DMD: variants seen among roughly 807,000 people sequenced by gnomAD.
DMD encodes dystrophin.
A neutral mutation model predicts 330.1 loss-of-function variants in DMD; 63 were observed. The observed-to-expected ratio is 0.19, with a 90% CI of 0.16 to 0.24. The LOEUF is 0.24. Among genes scored for constraint, DMD ranks in the 10% least tolerant of loss-of-function variants. The probability of loss-of-function intolerance (pLI) is 1.00; values close to 1 mark genes in which losing one functional copy is unlikely to be tolerated. For synonymous variants in DMD, 1,223 were observed against 959.8 expected (o/e 1.27, Z -5.07); for missense variants, 3,344 against 2,684.1 (o/e 1.25, Z -5.43).
intron 48 of DMD, among the ~76,000 whole-genome samples, chrX:31,844,272 G>A (rs753507936): frequency 9.8e-4 from 102 of 103,864 alleles, no homozygotes; most frequent in Non-Finnish European, 1.8e-3. Context: ...TCCCAGCACC[G>A]TTTATTGAGT....
chrX:31,508,880 G>A (rs961229579), intron 55 of DMD, among the ~76,000 whole-genome samples: 7 of 111,361 alleles, frequency 6.3e-5, no homozygotes, highest in African/African-American at 2.3e-4. Context: ...TGAAGAACTG[G>A]CTCAAGTTTT....
At chrX:32,987,049 T>C (rs1365726525) in intron 2 of DMD, among the ~76,000 whole-genome samples, 2 of 112,576 alleles carry the variant, frequency 1.8e-5, no homozygotes, top group African/African-American at 6.4e-5. Context: ...TTCTGTCTAC[T>C]AGTCAGGAAT....
chrX:31,283,669 T>C (rs1323535312), intron 62 of DMD, among the ~76,000 whole-genome samples: 1 of 111,606 alleles, frequency 9.0e-6, no homozygotes, highest in Non-Finnish European at 1.9e-5. Flanking sequence ...GTGTGCTAAA[T>C]TTTGGGAACA....
At chrX:32,459,836 G>A (rs181055901) in intron 25 of DMD, among the ~76,000 whole-genome samples, 1 of 111,140 alleles carries the variant, frequency 9.0e-6, no homozygotes, top group Non-Finnish European at 1.9e-5. Context: ...CTGGGTAGAT[G>A]TAAGTGTGAA....
intron 62 of DMD, among the ~76,000 whole-genome samples, chrX:31,314,742 C>CAGAGACAGAGAGAGAGAGAGAG (rs769013334): frequency 7.2e-5 from 4 of 55,283 alleles, no homozygotes; most frequent in African/African-American, 3.4e-4. Context: ...AATACATACA[C>CAGAGACAGAGAGAGAGAGAGAG]AGAGAGAGAG....
chrX:32,500,334 T>G (rs2043927227), intron 19 of DMD, among the ~76,000 whole-genome samples: 1 of 111,820 alleles, frequency 8.9e-6, no homozygotes, highest in Admixed American at 9.5e-5. Context: ...AAATTAGAAC[T>G]ATGAGGGAAA....
rs949904728 is a variant in DMD, at chrX:32,530,912, A to T, written c.2169-12781T>A. Among the ~76,000 whole-genome samples, 10 of 112,065 alleles carry T rather than the reference A, an allele frequency of 8.9e-5. No individual in the cohort carries two copies. The Admixed American group carries it at 9.5e-4, about 11-fold the overall frequency. The stretch of plus-strand genomic sequence containing the variant: ...ATACTCAAGTTGAAAATCCTGAGTC[A>T]TATATTTTAAAATCAAATGTAAAGT... On this transcript the variant is annotated intron_variant, in intron 17 of 78. Coordinates refer to ENST00000357033, the MANE Select transcript of DMD (RefSeq NM_004006.3).
chrX:32,802,106 G>A (rs2076615040), intron 7 of DMD, among the ~76,000 whole-genome samples: 1 of 111,686 alleles, frequency 9.0e-6, no homozygotes, highest in Non-Finnish European at 1.9e-5. Flanking sequence ...GGGCAGTATG[G>A]CCATTTTCAT....
chrX:31,590,740 C>T (rs910106663), intron 55 of DMD, among the ~76,000 whole-genome samples: 11 of 111,512 alleles, frequency 9.9e-5, no homozygotes, highest in African/African-American at 3.6e-4. Flanking sequence ...TTTTGCATTA[C>T]GTGCATCATA....
chrX:31,223,053 G>C lies in DMD; in HGVS notation c.9355C>G (p.Leu3119Val). ...AATACTGGCCAATACTTACAGCAAA[G>C]GGCCTTCTGCAGTCTTCGGAGTTTC... ...AMKLRRLQKA[L>V]CLDLLSLSAA... Residue 3119 changes from leucine to valine, a missense_variant, in exon 64 of 79, where the codon CTT becomes GTT. Coordinates refer to ENST00000357033, the MANE Select transcript of DMD (RefSeq NM_004006.3). 1 of 1,207,651 alleles carries C rather than the reference G, an allele frequency of 8.3e-7. No homozygotes were observed. The highest frequency in any genetic ancestry group is 1.1e-6 in the Non-Finnish European group (1 of 891,732).
chrX:32,609,165 C>T (rs2056966918), intron 12 of DMD, among the ~76,000 whole-genome samples: 1 of 110,606 alleles, frequency 9.0e-6, no homozygotes, highest in African/African-American at 3.3e-5. Context: ...ATGCTTTGTA[C>T]CTGTTTACAA....
chrX:32,841,818 A>C (rs1031540547), intron 4 of DMD, among the ~76,000 whole-genome samples: 1 of 112,109 alleles, frequency 8.9e-6, no homozygotes, highest in African/African-American at 3.2e-5. Flanking sequence ...ATAAAAATAT[A>C]AAGTTTTAAA....
At chrX:33,284,614 A>G (rs1404234251) in intron 1 of DMD, among the ~76,000 whole-genome samples, 3 of 106,057 alleles carry the variant, frequency 2.8e-5, no homozygotes, top group African/African-American at 1.0e-4. Flanking sequence ...CAAATTTGGT[A>G]TAGGTATATT....
intron 57 of DMD, among the ~76,000 whole-genome samples, chrX:31,485,584 C>T (rs144442784): frequency 1.6e-3 from 177 of 111,245 alleles, no homozygotes; most frequent in African/African-American, 5.2e-3. Context: ...CTCAGAACCA[C>T]GTATGGAGGG....
intron 2 of DMD, among the ~76,000 whole-genome samples, chrX:32,901,795 G>C (rs1205692358): frequency 1.8e-5 from 2 of 110,453 alleles, no homozygotes; most frequent in Non-Finnish European, 3.8e-5. Context: ...CTGAACATGT[G>C]TAAAGCAAGG....
intron 60 of DMD, among the ~76,000 whole-genome samples, chrX:31,369,272 G>A (rs1226569686): frequency 2.7e-5 from 3 of 112,267 alleles, no homozygotes; most frequent in Non-Finnish European, 5.6e-5. Flanking sequence ...TTAAAATAAG[G>A]AGAGTCACCT....
rs2096916765 is a variant in DMD at position 32,178,949 on chromosome X, T to TCG, written c.6438+37966_6438+37967insCG. Among the ~76,000 whole-genome samples, 3 of 63,017 alleles carry TCG rather than the reference T, an allele frequency of 4.8e-5. No individual in the cohort carries two copies. The South Asian group carries it at 1.7e-3, about 36-fold the overall frequency. 54.7% of individuals were successfully genotyped at this position (63,017 alleles called of 115,157 possible). ...CCATAGAAACCCCAGATTCTCTCTC[T>TCG]CTCTCTCTCTCTCTCTCTCTCTCTC... On this transcript the variant is annotated intron_variant, in intron 44 of 78. Transcript: ENST00000357033.
chrX:33,017,659 G>C (rs1183137265), intron 2 of DMD, among the ~76,000 whole-genome samples: 1 of 111,143 alleles, frequency 9.0e-6, no homozygotes, highest in Admixed American at 9.7e-5. Context: ...AGATTATATA[G>C]AAGATATACA....
intron 13 of DMD, among the ~76,000 whole-genome samples, chrX:32,585,753 T>A (rs1246246606): frequency 9.7e-6 from 1 of 103,587 alleles, no homozygotes; most frequent in Non-Finnish European, 2.0e-5. Flanking sequence ...TCCAGCATAC[T>A]TGCTTATATT....
Sources: gnomAD v4.1 joint callset for allele counts (sites outside exome capture counted in the v4.1 genomes callset) on GRCh38, gnomAD v4.1.1 for gene constraint, MANE v1.5 for transcripts, NCBI Gene and HGNC (gene_info 2026-07-23, HGNC 2026-07-21) for gene names.